Variants in DPP6 observed in about 807,000 individuals in gnomAD.
DPP6 encodes the protein A-type potassium channel modulatory protein DPP6.
DPP6 carries 69 observed loss-of-function variants against 122.6 expected under a neutral mutation model. That is an observed-to-expected ratio of 0.56 (90% CI 0.46 to 0.69). The LOEUF (loss-of-function observed/expected upper bound fraction) is 0.69. Among genes scored for constraint, DPP6 ranks in the 30% least tolerant of loss-of-function variants. The pLI, the probability that DPP6 is intolerant of heterozygous loss-of-function variation, is 0.00. For missense variants in DPP6, 928 were observed against 1,116.9 expected (o/e 0.83, Z 2.41); for synonymous variants, 418 against 433.1 (o/e 0.97, Z 0.43).
intron 20 of DPP6, among the ~76,000 whole-genome samples, chr7:154,879,588 C>CAAAAAAAA (rs778157355): frequency 2.2e-4 from 9 of 41,618 alleles, no homozygotes; most frequent in Non-Finnish European, 3.0e-4. Flanking sequence ...GACTCCGTCT[C>CAAAAAAAA]AAAAAAAAAA....
chr7:154,565,576 A>C (rs769808795), intron 4 of DPP6, among the ~76,000 whole-genome samples: 1 of 151,766 alleles, frequency 6.6e-6, no homozygotes, highest in Non-Finnish European at 1.5e-5. Flanking sequence ...CCCAGGCTGG[A>C]GTGCAATGGC....
chr7:154,760,219 A>G lies in DPP6; in HGVS notation c.884-9198A>G, dbSNP rs1795446812. Among the ~76,000 whole-genome samples, 1 of 152,234 alleles carries G rather than the reference A, an allele frequency of 6.6e-6. No homozygotes were observed. Among genetic ancestry groups the G allele is most frequent in the African/African-American group, 2.4e-5 (1 of 41,456 alleles). On this transcript the variant is annotated intron_variant, in intron 8 of 25. Coordinates refer to ENST00000377770, the MANE Select transcript of DPP6 (RefSeq NM_130797.4). The surrounding 1 kb of genome is among the most constrained non-coding windows in gnomAD (Gnocchi z 4.5). ...GGCAGTAATTTTATTTTTAAAGGAA[A>G]AGGATTCAGCAGGCGGATTCTGGGA...
chr7:154,057,865 C>G (rs1385418123), intron 1 of DPP6: 1 of 150,802 alleles, frequency 6.6e-6, no homozygotes, highest in Admixed American at 6.6e-5. Flanking sequence ...ACTGTGGGGC[C>G]CTGGCTGAGG....
chr7:153,972,127 C>T (rs557518924), intron 1 of DPP6, among the ~76,000 whole-genome samples: 1 of 151,370 alleles, frequency 6.6e-6, no homozygotes, highest in Admixed American at 6.6e-5. Flanking sequence ...TGTAGGTTTA[C>T]TATCACACTG....
the DPP6 span, among the ~76,000 whole-genome samples, chr7:153,754,948 A>G: frequency 4.0e-4 from 61 of 151,520 alleles, 1 homozygote; most frequent in Non-Finnish European, 6.8e-4. Flanking sequence ...ATAAATGAGG[A>G]GTCTTCTTAT....
At chr7:154,247,722 G>C (rs574982313) in intron 1 of DPP6, among the ~76,000 whole-genome samples, 1 of 152,252 alleles carries the variant, frequency 6.6e-6, no homozygotes, top group East Asian at 1.9e-4. Flanking sequence ...CCAGTATATA[G>C]TGCCCGACTG....
At chr7:154,334,362 A>T (rs1049765690) in intron 1 of DPP6, among the ~76,000 whole-genome samples, 1 of 152,186 alleles carries the variant, frequency 6.6e-6, no homozygotes, top group South Asian at 2.1e-4. Flanking sequence ...TGATGTTCAT[A>T]CTCACAGTAA....
intron 1 of DPP6, among the ~76,000 whole-genome samples, chr7:153,936,533 G>A (rs1364690952): frequency 2.6e-5 from 4 of 152,120 alleles, no homozygotes; most frequent in South Asian, 4.1e-4. Flanking sequence ...ATAGCCGGGC[G>A]TGGTGGCTCA....
rs189389902 is a variant in DPP6, at chr7:154,350,959, G to A, written c.244-95255G>A. Among the ~76,000 whole-genome samples the A allele has an allele frequency of 4.5e-4, 68 of 152,296 alleles. 2 individuals carry two copies. In the East Asian group the frequency reaches 0.012, roughly 26 times the overall value. Reference sequence around the variant, plus strand: ...TCCTGCGCTGAGGCTGTTCCTCGGAGGGCATTTTCAGATGGGCTGGAGTCA... The same window carrying A: ...TCCTGCGCTGAGGCTGTTCCTCGGAAGGCATTTTCAGATGGGCTGGAGTCA... On this transcript the variant is annotated intron_variant, in intron 1 of 25. Coordinates refer to ENST00000377770, the MANE Select transcript of DPP6 (RefSeq NM_130797.4).
intron 1 of DPP6, among the ~76,000 whole-genome samples, chr7:153,956,209 G>C (rs1227537675): frequency 1.3e-5 from 2 of 152,162 alleles, no homozygotes; most frequent in Non-Finnish European, 2.9e-5. Flanking sequence ...GCAGGTGGGG[G>C]CTGGTCCAGT....
At chr7:154,302,569 C>T (rs192080130) in intron 1 of DPP6, among the ~76,000 whole-genome samples, 2 of 152,300 alleles carry the variant, frequency 1.3e-5, no homozygotes, top group East Asian at 3.9e-4. Flanking sequence ...GTGGGGAGCC[C>T]CGGTGGGGCC....
At chr7:153,828,315 T>C in the DPP6 span, among the ~76,000 whole-genome samples, 1 of 152,084 alleles carries the variant, frequency 6.6e-6, no homozygotes, top group Non-Finnish European at 1.5e-5. Flanking sequence ...GGGACGCAGT[T>C]CCATGTCTTG....
chr7:154,266,060 A>G (rs1803399330), intron 1 of DPP6, among the ~76,000 whole-genome samples: 1 of 152,076 alleles, frequency 6.6e-6, no homozygotes, highest in African/African-American at 2.4e-5. Flanking sequence ...CTCCCATCCC[A>G]TGCTCCTGGA....
rs146262968 is a variant in DPP6 at position 154,783,583 on chromosome 7, A to G, written c.1137-10496A>G. Among the ~76,000 whole-genome samples, 325 of 152,164 alleles carry G rather than the reference A, an allele frequency of 2.1e-3. 2 individuals are homozygous for G. The highest frequency in any genetic ancestry group is 3.4e-3 in the Middle Eastern group (1 of 294). On this transcript the variant is annotated intron_variant, in intron 10 of 25. Coordinates refer to ENST00000377770, the MANE Select transcript of DPP6 (RefSeq NM_130797.4). ...GGCATGGACGCCTCCCATCAGTCCA[A>G]CCTGTTCTCATGACTGTGCCTTCTG... is the stretch of plus-strand genomic sequence containing the variant.
At chr7:154,795,025 T>C (rs186302889) in intron 11 of DPP6, among the ~76,000 whole-genome samples, 107 of 152,222 alleles carry the variant, frequency 7.0e-4, no homozygotes, top group African/African-American at 2.6e-3. Flanking sequence ...GTTTCTAAGG[T>C]GGTCAGTCTT....
chr7:154,864,645 T>A (rs1394551211), intron 17 of DPP6, among the ~76,000 whole-genome samples: 2 of 152,258 alleles, frequency 1.3e-5, no homozygotes, highest in Non-Finnish European at 2.9e-5. Context: ...AAGTCCCCTG[T>A]GGGACAGTCA....
chr7:153,845,552 T>G, the DPP6 span, among the ~76,000 whole-genome samples: 2 of 151,990 alleles, frequency 1.3e-5, no homozygotes, highest in Non-Finnish European at 2.9e-5. Flanking sequence ...ATCTAAAAAT[T>G]TCAATCTTTT....
chr7:153,924,176 C>CGCGA (rs1183252613), intron 1 of DPP6, among the ~76,000 whole-genome samples: 1 of 151,392 alleles, frequency 6.6e-6, no homozygotes, highest in African/African-American at 2.4e-5. Flanking sequence ...AGTGCAATGG[C>CGCGA]GCGATCCCTG....
At chr7:154,214,274 A>G (rs764101386) in intron 1 of DPP6, among the ~76,000 whole-genome samples, 1 of 152,230 alleles carries the variant, frequency 6.6e-6, no homozygotes, top group African/African-American at 2.4e-5. Context: ...GCCAGGATCT[A>G]TTTTACATCA....
Sources: gnomAD v4.1 joint callset for allele counts (sites outside exome capture counted in the v4.1 genomes callset) on GRCh38, gnomAD v4.1.1 for gene constraint, Gnocchi (gnomAD v3.1) non-coding constraint, MANE v1.5 for transcripts, NCBI Gene and HGNC (gene_info 2026-07-23, HGNC 2026-07-21) for gene names.